PHKB: variants seen among roughly 807,000 people sequenced by gnomAD.
PHKB encodes the protein phosphorylase kinase regulatory subunit beta, also known as phosphorylase b kinase regulatory subunit beta.
In PHKB, 122 loss-of-function variants were observed where a neutral mutation model predicts 152.1. That is an observed-to-expected ratio of 0.80 (90% CI 0.69 to 0.93). The LOEUF is 0.93. Among genes scored for constraint, PHKB ranks in the 40% least tolerant of loss-of-function variants. The probability of loss-of-function intolerance (pLI) is 0.00; values close to 1 mark genes in which losing one functional copy is unlikely to be tolerated. For missense variants in PHKB, 1,304 were observed against 1,328.4 expected (o/e 0.98, Z 0.29); for synonymous variants, 436 against 464.9 (o/e 0.94, Z 0.80).
intron 10 of PHKB, chr16:47,590,364 C>T (rs879535625): frequency 4.6e-5 from 7 of 151,278 alleles, no homozygotes; most frequent in Admixed American, 1.3e-4. Flanking sequence ...AAGTGATTCT[C>T]CTGCCTCAGC....
intron 28 of PHKB, among the ~76,000 whole-genome samples, chr16:47,694,195 G>A (rs145047285): frequency 6.6e-6 from 1 of 152,312 alleles, no homozygotes; most frequent in African/African-American, 2.4e-5. Context: ...CTCTCCTTCT[G>A]ATGGTTTCCC....
chr16:47,564,034 G>A (rs1971522853), intron 7 of PHKB, among the ~76,000 whole-genome samples: 2 of 147,480 alleles, frequency 1.4e-5, no homozygotes, highest in African/African-American at 5.0e-5. Flanking sequence ...GCAATCCATG[G>A]TGTGTGTGTG....
At chr16:47,647,176 T>C (rs1973145692) in intron 16 of PHKB, among the ~76,000 whole-genome samples, 1 of 152,132 alleles carries the variant, frequency 6.6e-6, no homozygotes, top group Non-Finnish European at 1.5e-5. Context: ...CAGACTGGAG[T>C]GCAATGGCAC....
At chr16:47,640,796 T>G (rs1973004856) in intron 14 of PHKB, among the ~76,000 whole-genome samples, 1 of 152,104 alleles carries the variant, frequency 6.6e-6, no homozygotes, top group Non-Finnish European at 1.5e-5. Context: ...CTAGCCCCTG[T>G]GGTAGTGATG....
At chr16:47,607,667 T>C (rs1280456452) in intron 13 of PHKB, among the ~76,000 whole-genome samples, 1 of 152,230 alleles carries the variant, frequency 6.6e-6, no homozygotes, top group African/African-American at 2.4e-5. Context: ...TTGTTTAACA[T>C]ATTTTTCATT....
At chr16:47,628,347 AC>A (rs1418701174) in intron 14 of PHKB, among the ~76,000 whole-genome samples, 3 of 152,150 alleles carry the variant, frequency 2.0e-5, no homozygotes, top group Non-Finnish European at 4.4e-5. Flanking sequence ...CCTGGCTAAC[AC>A]GGCAAAACCC....
intron 20 of PHKB, 32 bp from the exon 21 acceptor site, chr16:47,660,474 A>T: frequency 6.4e-7 from 1 of 1,573,114 alleles, no homozygotes; most frequent in East Asian, 2.2e-5. Flanking sequence ...GATGTATCTA[A>T]GAGTTTCTAA....
chr16:47,546,137 G>C lies in PHKB; in HGVS notation c.595-1296G>C, dbSNP rs540912249. Among the ~76,000 whole-genome samples the C allele has an allele frequency of 3.0e-4, 46 of 152,252 alleles. No homozygotes were observed. In the Middle Eastern group the frequency reaches 0.017, roughly 56 times the overall value. ...CTCCATCCAGCTTTTTTCCGTTGCTGGTGAGGAGCTACGGTTCTTTGGAGA... is the reference window on the plus strand; with the variant it reads ...CTCCATCCAGCTTTTTTCCGTTGCTCGTGAGGAGCTACGGTTCTTTGGAGA... On this transcript the variant is annotated intron_variant, in intron 6 of 30. Transcript: ENST00000323584.
At chr16:47,500,086 G>A (rs992808875) in intron 3 of PHKB, among the ~76,000 whole-genome samples, 192 bp downstream of exon 3, 3 of 151,600 alleles carry the variant, frequency 2.0e-5, no homozygotes, top group Non-Finnish European at 4.4e-5. Context: ...TACCCAGGCT[G>A]CAATGCAGTG....
chr16:47,594,213 A>G lies in PHKB; in HGVS notation c.1203A>G (p.Glu401=), dbSNP rs1972079546. The G allele has an allele frequency of 2.0e-6, 3 of 1,512,018 alleles. No homozygotes were observed. Among genetic ancestry groups the G allele is most frequent in the Non-Finnish European group, 2.8e-6 (3 of 1,087,386 alleles). 93.7% of individuals were successfully genotyped at this position (1,512,018 alleles called of 1,614,324 possible). Reference sequence around the variant, plus strand: ...CTCCAGTACTTCATCATACCACAGAAGGTATAGTTGTTTTTTTAAGAAATT... The same window carrying G: ...CTCCAGTACTTCATCATACCACAGAGGGTATAGTTGTTTTTTTAAGAAATT... ...LLTPVLHHTT[E]GYPVVPKYYY... Residue 401 remains glutamate (E), a splice_region_variant and synonymous_variant, in exon 12 of 31, where the codon GAA becomes GAG. Coordinates refer to ENST00000323584, the MANE Select transcript of PHKB (RefSeq NM_000293.3).
intron 14 of PHKB, among the ~76,000 whole-genome samples, chr16:47,622,241 T>G (rs1266800803): frequency 6.6e-6 from 1 of 152,208 alleles, no homozygotes; most frequent in Admixed American, 6.5e-5. Context: ...GAACTTAACC[T>G]GAAATTTACC....
In PHKB at chr16:47,580,227, T is replaced by A; in HGVS notation, c.711-68T>A. 3 of 1,154,150 alleles carry A rather than the reference T, an allele frequency of 2.6e-6. No homozygotes were observed. In the South Asian group the frequency reaches 3.9e-5, roughly 15 times the overall value. 71.5% of individuals were successfully genotyped at this position (1,154,150 alleles called of 1,614,324 possible). Reference sequence around the variant, plus strand: ...AAAGAAATTTGCTCGTGAATATTCATCAGATAATGGTTCTGATTTTGTAGC... The same window carrying A: ...AAAGAAATTTGCTCGTGAATATTCAACAGATAATGGTTCTGATTTTGTAGC... On this transcript the variant is annotated intron_variant, in intron 7 of 30. Coordinates refer to ENST00000323584, the MANE Select transcript of PHKB (RefSeq NM_000293.3).
chr16:47,561,513 C>G (rs1206237726), intron 7 of PHKB: 3 of 152,186 alleles, frequency 2.0e-5, no homozygotes, highest in African/African-American at 7.2e-5. Context: ...AGTCATCACA[C>G]TGGACTTTTT....
At chr16:47,617,672 C>G (rs1233663632) in intron 14 of PHKB, among the ~76,000 whole-genome samples, 1 of 152,118 alleles carries the variant, frequency 6.6e-6, no homozygotes, top group East Asian at 1.9e-4. Flanking sequence ...TCTCATCATT[C>G]AATCATATAT....
chr16:47,572,466 G>T (rs1971677897), intron 7 of PHKB, among the ~76,000 whole-genome samples: 2 of 152,188 alleles, frequency 1.3e-5, no homozygotes, highest in Admixed American at 6.5e-5. Context: ...GAGGTGAATT[G>T]GTTACTAGCA....
intron 23 of PHKB, among the ~76,000 whole-genome samples, chr16:47,663,429 GA>G (rs1973478213): frequency 6.6e-6 from 1 of 152,008 alleles, no homozygotes. Context: ...TATTAATTAG[GA>G]AAACAGTTGA....
intron 20 of PHKB, among the ~76,000 whole-genome samples, chr16:47,658,763 T>G (rs1973384599): frequency 6.6e-6 from 1 of 151,726 alleles, no homozygotes; most frequent in African/African-American, 2.4e-5. Flanking sequence ...GATTGCCTAA[T>G]GATGCATTTC....
intron 4 of PHKB, chr16:47,505,325 A>C (rs1272270264): frequency 6.6e-6 from 1 of 151,910 alleles, no homozygotes; most frequent in Non-Finnish European, 1.5e-5. Flanking sequence ...ATGCCCACAC[A>C]CTCATCAGAC....
intron 1 of PHKB, among the ~76,000 whole-genome samples, chr16:47,495,747 A>C (rs1436494343): frequency 6.6e-6 from 1 of 152,130 alleles, no homozygotes; most frequent in African/African-American, 2.4e-5. Flanking sequence ...GAATACAGGA[A>C]GGCAAGGGCA....
Sources: allele counts gnomAD v4.1 joint callset (sites outside exome capture counted in the v4.1 genomes callset), GRCh38; gene constraint gnomAD v4.1.1; transcripts MANE v1.5; gene names NCBI Gene and HGNC (gene_info 2026-07-23, HGNC 2026-07-21).